Variants in RNF24 observed in about 807,000 individuals in gnomAD.
The protein encoded by RNF24 is ring finger protein 24.
Under a neutral mutation model 20.0 loss-of-function variants are expected in RNF24, and 14 were observed. That is an observed-to-expected ratio of 0.70 (90% CI 0.46 to 1.10). The LOEUF (loss-of-function observed/expected upper bound fraction) is 1.10, where lower values mean the gene tolerates loss of function less well. RNF24 is among the 50% of genes least tolerant of loss of function. The pLI is 0.00. For synonymous variants in RNF24, 45 were observed against 61.1 expected (o/e 0.74, Z 1.23); for missense variants, 124 against 177.6 (o/e 0.70, Z 1.71).
rs899998719 is a variant in RNF24 at position 3,927,686 on chromosome 20, T to TAACA, written c.*6373_*6376dup. 6 of 152,220 alleles carry TAACA rather than the reference T, an allele frequency of 3.9e-5. No individual in the cohort carries two copies. Among genetic ancestry groups the TAACA allele is most frequent in the African/African-American group, 1.2e-4 (5 of 41,452 alleles). 9.4% of individuals were successfully genotyped at this position (152,220 alleles called of 1,614,324 possible). ...CCAGCTGTCACCAGAAGGGAGTTCC[T>TAACA]AACACTTGCCACACCTGCTCCCCCG... On this transcript the variant is annotated 3_prime_UTR_variant, in exon 6 of 6. Coordinates refer to ENST00000358395, the MANE Select transcript of RNF24 (RefSeq NM_001134337.3).
intron 1 of RNF24, among the ~76,000 whole-genome samples, chr20:3,983,867 G>C (rs1204956109): frequency 1.4e-5 from 2 of 146,926 alleles, no homozygotes; most frequent in Non-Finnish European, 3.0e-5. Flanking sequence ...CTTGAACCCA[G>C]GAGGTGGAGG....
At chr20:3,992,281 T>G (rs1043184857) in intron 1 of RNF24, among the ~76,000 whole-genome samples, 1 of 152,246 alleles carries the variant, frequency 6.6e-6, no homozygotes, top group African/African-American at 2.4e-5. Context: ...AAAACTCTGA[T>G]TGAGCTATGT....
At chr20:3,990,852 G>A (rs191380344) in intron 1 of RNF24, among the ~76,000 whole-genome samples, 51 of 151,842 alleles carry the variant, frequency 3.4e-4, no homozygotes, top group Admixed American at 2.1e-3. Context: ...TCCCAGCCAA[G>A]ATGACAGAGC....
intron 1 of RNF24, among the ~76,000 whole-genome samples, chr20:3,988,932 C>T (rs1009540630): frequency 1.3e-5 from 2 of 151,996 alleles, no homozygotes; most frequent in African/African-American, 4.8e-5. Flanking sequence ...AAAAAGAATA[C>T]TTACTAATAA....
Position 3,963,971 on chromosome 20 carries a change from C to A in RNF24, c.47G>T (p.Gly16Val). 6.2e-7 allele frequency: 1 copy of A among 1,613,378 alleles called. No homozygotes were observed. The highest frequency in any genetic ancestry group is 8.5e-7 in the Non-Finnish European group (1 of 1,179,556). The change falls in exon 2 of 6, where the codon GGA (glycine) becomes GTA (valine). Residue 16 changes from glycine (G) to valine (V), a missense_variant. Gly to Val is a moderately radical substitution (Grantham distance 109). Coordinates refer to ENST00000358395, the MANE Select transcript of RNF24 (RefSeq NM_001134337.3). ...PHYNFRMPNIGFQNLPLNIYI... is the reference protein window; with the variant it reads ...PHYNFRMPNIVFQNLPLNIYI... ...TATGTTGAGAGGCAGATTCTGGAAT[C>A]CAATATTAGGCATCCTGAAGTTGTA...
intron 4 of RNF24, among the ~76,000 whole-genome samples, chr20:3,943,673 T>C (rs1338551487): frequency 6.6e-6 from 1 of 152,156 alleles, no homozygotes; most frequent in Non-Finnish European, 1.5e-5. Flanking sequence ...CAGGAATTGG[T>C]GGGTGTAGTT....
rs540638859 is a variant in RNF24 at position 4,015,301 on chromosome 20, G to A, written c.-8+136C>T. 274 of 152,274 alleles carry A rather than the reference G, an allele frequency of 1.8e-3. 1 individual carries two copies. The highest frequency in any genetic ancestry group is 6.5e-3 in the African/African-American group (270 of 41,522). The allele number at this position is 152,274 out of a possible 1,614,324, so 9.4% of individuals were successfully genotyped here. A position where few individuals can be genotyped will look rare whatever the true frequency, so the allele number is the denominator to read the frequency against. ...ACCGCGCCCGGCCGGCCGAGGCGCC[G>A]GGAGAGTGTGTGTGTGTGGGAGGCT... On this transcript the variant is annotated intron_variant, in intron 1 of 5. Coordinates refer to ENST00000358395, the MANE Select transcript of RNF24 (RefSeq NM_001134337.3).
chr20:3,974,015 C>T (rs73086549), intron 1 of RNF24, among the ~76,000 whole-genome samples: 1 of 150,652 alleles, frequency 6.6e-6, no homozygotes, highest in Non-Finnish European at 1.5e-5. Flanking sequence ...TTTTACAACA[C>T]CATGACCAAG....
intron 2 of RNF24, among the ~76,000 whole-genome samples, chr20:3,958,614 A>G (rs940825431): frequency 1.2e-4 from 18 of 152,326 alleles, no homozygotes; most frequent in East Asian, 1.9e-4. Context: ...CACTACTTGT[A>G]GGGCATCTTT....
chr20:3,987,519 C>CA (rs1240969300), intron 1 of RNF24, among the ~76,000 whole-genome samples: 1 of 152,030 alleles, frequency 6.6e-6, no homozygotes, highest in African/African-American at 2.4e-5. Flanking sequence ...AAATCTCTCT[C>CA]AAGTTTGATG....
At chr20:4,008,477 T>TATATA (rs550946095) in intron 1 of RNF24, among the ~76,000 whole-genome samples, 16 of 114,826 alleles carry the variant, frequency 1.4e-4, no homozygotes, top group African/African-American at 3.8e-4. Context: ...ATATGTATAA[T>TATATA]ATATAATATA....
rs929042774 is a variant in RNF24 at position 3,949,407 on chromosome 20, C to T, written c.144-1128G>A. Among the ~76,000 whole-genome samples, 9 of 149,452 alleles carry T rather than the reference C, an allele frequency of 6.0e-5. No homozygotes were observed. The East Asian group carries it at 1.2e-3, about 20-fold the overall frequency. ...AAAAAATAAAAGTACTCACCCTGGC[C>T]GGACACAGTGGCTCATGCCTGTAAT... On this transcript the variant is annotated intron_variant, in intron 2 of 5. Coordinates refer to ENST00000358395, the MANE Select transcript of RNF24 (RefSeq NM_001134337.3).
At chr20:3,946,625 G>T (rs1251902989) in intron 3 of RNF24, among the ~76,000 whole-genome samples, 1 of 149,972 alleles carries the variant, frequency 6.7e-6, no homozygotes, top group African/African-American at 2.5e-5. Flanking sequence ...CCTGAGCCCA[G>T]GGAGGTCAAG....
chr20:3,974,060 T>C (rs1317818591), intron 1 of RNF24, among the ~76,000 whole-genome samples: 6 of 142,474 alleles, frequency 4.2e-5, no homozygotes, highest in Non-Finnish European at 9.3e-5. Context: ...GCTGGCTTAA[T>C]ATTAAAAAAA....
At chr20:3,947,169 G>A (rs2091028923) in intron 3 of RNF24, among the ~76,000 whole-genome samples, 1 of 152,194 alleles carries the variant, frequency 6.6e-6, no homozygotes, top group Non-Finnish European at 1.5e-5. Flanking sequence ...ACTCCAGCCT[G>A]GCGACAGAGC....
intron 4 of RNF24, among the ~76,000 whole-genome samples, chr20:3,943,324 A>G (rs2090979881): frequency 4.0e-5 from 6 of 149,538 alleles, no homozygotes; most frequent in Admixed American, 4.0e-4. Context: ...TTTTGTGGAT[A>G]CAGATGAGCT....
chr20:4,005,358 AT>A (rs1459511081), intron 1 of RNF24, among the ~76,000 whole-genome samples: 3 of 152,188 alleles, frequency 2.0e-5, no homozygotes, highest in Non-Finnish European at 2.9e-5. Flanking sequence ...GAAAAAAAAA[AT>A]CTTACTACGC....
intron 1 of RNF24, among the ~76,000 whole-genome samples, chr20:4,008,307 A>AAT (rs1259850292): frequency 2.2e-4 from 27 of 120,314 alleles, no homozygotes; most frequent in African/African-American, 5.1e-4. Flanking sequence ...CAAGACTGCA[A>AAT]ATATATATAT....
At chr20:3,967,991 A>G (rs1032037514) in intron 1 of RNF24, among the ~76,000 whole-genome samples, 3 of 148,442 alleles carry the variant, frequency 2.0e-5, no homozygotes, top group Admixed American at 6.7e-5. Flanking sequence ...AAAAAAAAAA[A>G]AAAAGAAAGA....
Sources: gnomAD v4.1 joint callset for allele counts (sites outside exome capture counted in the v4.1 genomes callset) on GRCh38, gnomAD v4.1.1 for gene constraint, MANE v1.5 for transcripts, NCBI Gene and HGNC (gene_info 2026-07-23, HGNC 2026-07-21) for gene names.